The following SVIL variants were observed in gnomAD, a reference collection of about 807,000 sequenced individuals.
SVIL encodes archvillin.
A neutral mutation model predicts 240.4 loss-of-function variants in SVIL; 101 were observed. That is an observed-to-expected ratio of 0.42 (90% CI 0.36 to 0.50). The LOEUF is 0.50. Among genes scored for constraint, SVIL ranks in the 20% least tolerant of loss-of-function variants. The pLI is 0.01. For missense variants in SVIL, 2,512 were observed against 2,818.7 expected (o/e 0.89, Z 2.46); for synonymous variants, 999 against 1,100.0 (o/e 0.91, Z 1.82).
At chr10:29,473,817 G>A (rs1392089395) in intron 30 of SVIL, 21 bp downstream of exon 30, 3 of 1,613,622 alleles carry the variant, frequency 1.9e-6, no homozygotes, top group South Asian at 2.2e-5. Context: ...TCCCCGGGGT[G>A]CAGAGCTCCC....
At chr10:29,498,707 A>G (rs1286398038) in intron 18 of SVIL, among the ~76,000 whole-genome samples, 1 of 152,180 alleles carries the variant, frequency 6.6e-6, no homozygotes, top group African/African-American at 2.4e-5. Context: ...AAGGCTGGGC[A>G]TGGTGTCTCA....
At chr10:29,467,662 C>T in intron 33 of SVIL, 80 bp downstream of exon 33, 5 of 1,567,332 alleles carry the variant, frequency 3.2e-6, no homozygotes, top group Non-Finnish European at 4.3e-6. Context: ...CACTATACTC[C>T]AGCCTGGATA....
intron 3 of SVIL, among the ~76,000 whole-genome samples, chr10:29,657,618 A>G (rs1463091067): frequency 6.6e-6 from 1 of 152,098 alleles, no homozygotes; most frequent in Non-Finnish European, 1.5e-5. Flanking sequence ...GGTCCTATCT[A>G]ATTCACACTC....
rs1564496457 is a variant in SVIL at position 29,486,228 on chromosome 10, C to G, written c.4636G>C (p.Ala1546Pro). 6.2e-7 allele frequency: 1 copy of G among 1,614,120 alleles called. No homozygotes were observed. The highest frequency in any genetic ancestry group is 2.2e-5 in the East Asian group (1 of 44,878). ...LLGGQTSYQS[A>P]GDPKEDELYE... ...AGTTCATCTTCTTTTGGGTCTCCAG[C>G]AGCTTGGGGATAAGAAGAACAGGAG... Residue 1546 changes from alanine (A) to proline (P), a missense_variant and splice_region_variant, in exon 26 of 38, where the codon GCT becomes CCT. Ala to Pro is a conservative substitution (Grantham distance 27). Transcript: ENST00000355867.
chr10:29,677,176 T>C (rs933832700), intron 2 of SVIL, among the ~76,000 whole-genome samples: 1 of 152,118 alleles, frequency 6.6e-6, no homozygotes, highest in African/African-American at 2.4e-5. Flanking sequence ...CCCCTTCCCT[T>C]TTTGCCTTCA....
intron 17 of SVIL, among the ~76,000 whole-genome samples, chr10:29,511,678 A>T (rs1290534568): frequency 1.3e-5 from 2 of 152,196 alleles, no homozygotes; most frequent in Non-Finnish European, 2.9e-5. Context: ...AATTTTACAA[A>T]TGGCCAAGGC....
chr10:29,486,676 G>A lies in SVIL; in HGVS notation c.4486-119C>T, dbSNP rs905568732. On this transcript the variant is annotated intron_variant, in intron 24 of 37. Coordinates refer to ENST00000355867, the MANE Select transcript of SVIL (RefSeq NM_021738.3). ...TGCAAGGAAAGCCTTGTGACCACGG[G>A]TGTGGGTGGATGCTGGTTACTGGGT... The A allele has an allele frequency of 3.6e-5, 42 of 1,158,978 alleles. No homozygotes were observed. In the Admixed American group the frequency reaches 9.4e-4, roughly 26 times the overall value. The allele number at this position is 1,158,978 out of a possible 1,614,324, so 71.8% of individuals were successfully genotyped here.
intron 1 of SVIL, among the ~76,000 whole-genome samples, chr10:29,700,361 T>C (rs1589539732): frequency 6.6e-6 from 1 of 152,032 alleles, no homozygotes; most frequent in South Asian, 2.1e-4. Context: ...ACAAAATCTT[T>C]CCACCCACTA....
upstream of SVIL, among the ~76,000 whole-genome samples, chr10:29,736,174 A>G (rs1964892342): frequency 1.3e-5 from 2 of 152,072 alleles, no homozygotes; most frequent in Non-Finnish European, 2.9e-5. Flanking sequence ...CCAGGACACG[A>G]ACTCGCGCCC....
chr10:29,721,092 C>A (rs1438936598), intron 1 of SVIL, among the ~76,000 whole-genome samples: 1 of 152,132 alleles, frequency 6.6e-6, no homozygotes. Flanking sequence ...AAGCAATCCA[C>A]CCGCCTCAGC....
intron 17 of SVIL, among the ~76,000 whole-genome samples, chr10:29,507,487 G>A (rs565302727): frequency 2.0e-5 from 3 of 151,888 alleles, no homozygotes; most frequent in East Asian, 1.9e-4. Context: ...ACACACATAC[G>A]TACACACTTA....
At chr10:29,677,451 C>T (rs1289358779) in intron 2 of SVIL, among the ~76,000 whole-genome samples, 1 of 152,166 alleles carries the variant, frequency 6.6e-6, no homozygotes, top group African/African-American at 2.4e-5. Context: ...CACTCTTGCC[C>T]AGGCTGGAGT....
intron 1 of SVIL, among the ~76,000 whole-genome samples, chr10:29,697,319 C>G (rs1962165068): frequency 1.2e-5 from 1 of 85,376 alleles, no homozygotes; most frequent in African/African-American, 5.1e-5. Context: ...GGAGGTGTAC[C>G]CAACAGCTCA....
chr10:29,657,046 A>G (rs1018677565), intron 3 of SVIL, among the ~76,000 whole-genome samples: 1 of 152,224 alleles, frequency 6.6e-6, no homozygotes, highest in Admixed American at 6.5e-5. Context: ...GAGAGGTTAC[A>G]TGTCTTTTCC....
Position 29,484,055 on chromosome 10 carries a change from T to C in SVIL, c.4955+601A>G, listed in dbSNP as rs372565047. On this transcript the variant is annotated intron_variant, in intron 27 of 37. Coordinates refer to ENST00000355867, the MANE Select transcript of SVIL (RefSeq NM_021738.3). This position sits in a 1 kb window ranked among gnomAD's most constrained non-coding sequence, Gnocchi z 4.7. Reference sequence around the variant, plus strand: ...GGAATTATTTTTTCCAACATCATAATTTCTGACTTTGCACATATTCTATTG... The same window carrying C: ...GGAATTATTTTTTCCAACATCATAACTTCTGACTTTGCACATATTCTATTG... 1 of 152,356 alleles carries C rather than the reference T, an allele frequency of 6.6e-6. No individual in the cohort carries two copies. The highest frequency in any genetic ancestry group is 1.9e-4 in the East Asian group (1 of 5,194). The allele number at this position is 152,356 out of a possible 1,614,324, so 9.4% of individuals were successfully genotyped here. A position where few individuals can be genotyped will look rare whatever the true frequency, so the allele number is the denominator to read the frequency against.
intron 2 of SVIL, among the ~76,000 whole-genome samples, chr10:29,662,781 A>ACG (rs1429050397): frequency 2.0e-5 from 3 of 148,880 alleles, no homozygotes; most frequent in Admixed American, 2.0e-4. Context: ...GCGCGCGTAC[A>ACG]CACACACACA....
intron 31 of SVIL, 134 bp downstream of exon 31, chr10:29,471,004 G>T: frequency 2.5e-6 from 2 of 806,208 alleles, no homozygotes; most frequent in Non-Finnish European, 4.1e-6. Flanking sequence ...GAGTTATCAG[G>T]CAAACATCAG....
At chr10:29,582,978 T>G (rs1956015931) in intron 1 of SVIL, among the ~76,000 whole-genome samples, 2 of 152,090 alleles carry the variant, frequency 1.3e-5, no homozygotes, top group Admixed American at 1.3e-4. Context: ...GCTCACTACT[T>G]GATGGTTTTC....
chr10:29,514,463 A>T (rs1950076389), intron 16 of SVIL, among the ~76,000 whole-genome samples: 2 of 152,066 alleles, frequency 1.3e-5, no homozygotes, highest in African/African-American at 4.8e-5. Context: ...GCTGGTTTTG[A>T]ACTCCCGGGC....
Sources: allele counts gnomAD v4.1 joint callset (sites outside exome capture counted in the v4.1 genomes callset), GRCh38; gene constraint gnomAD v4.1.1; non-coding constraint Gnocchi (gnomAD v3.1); transcripts MANE v1.5; gene names NCBI Gene and HGNC (gene_info 2026-07-23, HGNC 2026-07-21).